The following HDAC4 variants were observed in gnomAD, a reference collection of about 807,000 sequenced individuals.
HDAC4 encodes histone deacetylase A.
In HDAC4, 16 loss-of-function variants were observed where a neutral mutation model predicts 135.1. The ratio of observed to expected loss-of-function variants is 0.12; its 90% CI spans 0.08 to 0.18. The LOEUF (loss-of-function observed/expected upper bound fraction) is 0.18, where lower values mean the gene tolerates loss of function less well. HDAC4 is among the 10% of genes least tolerant of loss of function. The pLI is 1.00. For synonymous variants in HDAC4, 685 were observed against 653.4 expected (o/e 1.05, Z -0.74); for missense variants, 1,143 against 1,511.8 (o/e 0.76, Z 4.05).
At chr2:239,287,800 A>C (rs950921435) in intron 2 of HDAC4, among the ~76,000 whole-genome samples, 4 of 152,250 alleles carry the variant, frequency 2.6e-5, no homozygotes, top group African/African-American at 9.6e-5. Flanking sequence ...ACACAGAGAC[A>C]AATCCAGCAA....
rs942716766 is a variant in HDAC4 at position 239,240,481 on chromosome 2, A to G, written c.23-3817T>C. On this transcript the variant is annotated intron_variant, in intron 2 of 26. Coordinates refer to ENST00000543185, the MANE Select transcript of HDAC4 (RefSeq NM_001378414.1). This position sits in a 1 kb window ranked among gnomAD's most constrained non-coding sequence, Gnocchi z 4.5. ...CTCAGGCTGAGGAGAAAGCGGTGCT[A>G]AGAACCCAGCGTTTACAAGCAGGAA... 6.6e-6 allele frequency among the ~76,000 whole-genome samples: 1 copy of G among 152,224 alleles called. No homozygotes were observed. Among genetic ancestry groups the G allele is most frequent in the Non-Finnish European group, 1.5e-5 (1 of 68,038 alleles).
Position 239,115,378 on chromosome 2 carries a change from G to T in HDAC4, c.1534-68C>A. On this transcript the variant is annotated intron_variant, in intron 12 of 26. Transcript: ENST00000543185. The surrounding 1 kb of genome is among the most constrained non-coding windows in gnomAD (Gnocchi z 6.3). Reference sequence around the variant, plus strand: ...CTCTGAGCTCATCTGACAGGAGAAGGGATGCTGCAAACCCCACCCTCTGGG... The same window carrying T: ...CTCTGAGCTCATCTGACAGGAGAAGTGATGCTGCAAACCCCACCCTCTGGG... 1.9e-6 allele frequency: 3 copies of T among 1,594,166 alleles called. No homozygotes were observed. In the South Asian group the frequency reaches 3.3e-5, roughly 18 times the overall value.
intron 1 of HDAC4, among the ~76,000 whole-genome samples, chr2:239,373,003 GCA>G (rs1369798203): frequency 5.9e-5 from 9 of 152,216 alleles, no homozygotes; most frequent in East Asian, 5.8e-4. Flanking sequence ...CCACTCATGG[GCA>G]CAGACTTTCC....
chr2:239,087,721 G>C (rs1312009788), intron 18 of HDAC4, 107 bp from the exon 19 acceptor site: 1 of 1,054,338 alleles, frequency 9.5e-7, no homozygotes, highest in Non-Finnish European at 1.4e-6. Context: ...CTACACAGGA[G>C]GACAGTTTCT....
At chr2:239,315,036 G>A (rs544092129) in intron 2 of HDAC4, among the ~76,000 whole-genome samples, 1 of 152,220 alleles carries the variant, frequency 6.6e-6, no homozygotes, top group East Asian at 1.9e-4. Context: ...AGGCTTCGTC[G>A]GCATGGTAAA....
Position 239,122,837 on chromosome 2 carries a change from C to T in HDAC4, c.1533+3619G>A, listed in dbSNP as rs537285196. On this transcript the variant is annotated intron_variant, in intron 12 of 26. Transcript: ENST00000543185. ...CTGAAGGAGGGGCAGACCAAGCCGG[C>T]CCCAGCTGCAACCCCAATGTAGGCT... 2.0e-5 allele frequency among the ~76,000 whole-genome samples: 3 copies of T among 152,320 alleles called. No individual in the cohort carries two copies. The South Asian group carries it at 6.2e-4, about 32-fold the overall frequency.
At position 239,248,309 on chromosome 2, in the gene HDAC4, T is replaced by C. The variant is rs565952569; in HGVS notation, c.23-11645A>G. Among the ~76,000 whole-genome samples, 39 of 152,048 alleles carry C rather than the reference T, an allele frequency of 2.6e-4. No individual in the cohort carries two copies. The South Asian group carries it at 7.9e-3, about 31-fold the overall frequency. ...AATTCTCCTGCCTCAGCCTCCCGAA[T>C]AGCTGGGACTACAGGCGCCGGCCAC... On this transcript the variant is annotated intron_variant, in intron 2 of 26. Transcript: ENST00000543185.
intron 2 of HDAC4, among the ~76,000 whole-genome samples, chr2:239,239,720 A>G (rs1575494917): frequency 6.6e-6 from 1 of 151,806 alleles, no homozygotes; most frequent in South Asian, 2.1e-4. Context: ...GTACATTCAA[A>G]CCCCCAACAC....
rs139256139 is a variant in HDAC4 at position 239,281,094 on chromosome 2, C to A, written c.23-44430G>T. On this transcript the variant is annotated intron_variant, in intron 2 of 26. Coordinates refer to ENST00000543185, the MANE Select transcript of HDAC4 (RefSeq NM_001378414.1). Reference sequence around the variant, plus strand: ...GTACACACGACTCTCAATGTACACACCACTCTACACACAATGTACACACCA... The same window carrying A: ...GTACACACGACTCTCAATGTACACAACACTCTACACACAATGTACACACCA... Among the ~76,000 whole-genome samples the A allele has an allele frequency of 2.2e-3, 292 of 134,452 alleles. 28 individuals carry two copies. Among genetic ancestry groups the A allele is most frequent in the African/African-American group, 7.8e-3 (276 of 35,486 alleles). 88.2% of individuals were successfully genotyped at this position (134,452 alleles called of 152,430 possible). A position where few individuals can be genotyped will look rare whatever the true frequency, so the allele number is the denominator to read the frequency against.
chr2:239,360,460 G>C (rs1693787770), intron 1 of HDAC4, among the ~76,000 whole-genome samples: 1 of 152,218 alleles, frequency 6.6e-6, no homozygotes, highest in Admixed American at 6.5e-5. Context: ...CCTTCCTGCA[G>C]CAGGACCCCA....
intron 7 of HDAC4, among the ~76,000 whole-genome samples, chr2:239,149,019 GGGACAGGCAGTCA>G (rs1212247296): frequency 3.3e-5 from 5 of 152,250 alleles, no homozygotes; most frequent in Non-Finnish European, 7.3e-5. Flanking sequence ...TAACGCAGGC[GGGACAGGCAGTCA>G]GGGACGGCCG....
chr2:239,159,465 C>T (rs935332401), intron 6 of HDAC4, among the ~76,000 whole-genome samples: 24 of 148,662 alleles, frequency 1.6e-4, no homozygotes, highest in African/African-American at 5.7e-4. Context: ...TACCTCACAC[C>T]CACTTACACG....
At chr2:239,087,473 G>T in intron 19 of HDAC4, 86 bp downstream of exon 19, 3 of 1,320,776 alleles carry the variant, frequency 2.3e-6, no homozygotes, top group Non-Finnish European at 3.2e-6. Context: ...CCAGCTCCCC[G>T]CAGTCACTCA....
At chr2:239,248,568 A>G (rs2048603328) in intron 2 of HDAC4, among the ~76,000 whole-genome samples, 1 of 152,224 alleles carries the variant, frequency 6.6e-6, no homozygotes, top group African/African-American at 2.4e-5. Flanking sequence ...TCTTGCTAGA[A>G]CTAAACATAA....
intron 12 of HDAC4, among the ~76,000 whole-genome samples, chr2:239,124,478 G>A (rs2039963819): frequency 6.6e-6 from 1 of 152,254 alleles, no homozygotes; most frequent in African/African-American, 2.4e-5. Context: ...CCACTTTATG[G>A]CTGAATGACA....
chr2:239,060,237 G>A lies in HDAC4; in HGVS notation c.3004-5404C>T, dbSNP rs113636642. The stretch of plus-strand genomic sequence containing the variant: ...GCTCATGGTGCCCTGGGCTTCTGCC[G>A]TCCCCTGCTGCCTGTCTGTAAGTAG... On this transcript the variant is annotated intron_variant, in intron 24 of 26. Coordinates refer to ENST00000543185, the MANE Select transcript of HDAC4 (RefSeq NM_001378414.1). Among the ~76,000 whole-genome samples the A allele has an allele frequency of 3.6e-3, 549 of 152,280 alleles. 2 individuals carry two copies. The highest frequency in any genetic ancestry group is 0.013 in the African/African-American group (521 of 41,550).
At chr2:239,074,893 A>G (rs1413022242) in intron 22 of HDAC4, among the ~76,000 whole-genome samples, 1 of 152,080 alleles carries the variant, frequency 6.6e-6, no homozygotes, top group Non-Finnish European at 1.5e-5. Context: ...GGGAAACTGG[A>G]CTCACATTTT....
intron 4 of HDAC4, among the ~76,000 whole-genome samples, chr2:239,182,796 A>G (rs924394708): frequency 6.6e-6 from 1 of 152,130 alleles, no homozygotes; most frequent in Non-Finnish European, 1.5e-5. Flanking sequence ...ATGCTCGGAA[A>G]ATGCTGGAAC....
chr2:239,288,443 A>T (rs2051260854), intron 2 of HDAC4, among the ~76,000 whole-genome samples: 1 of 152,238 alleles, frequency 6.6e-6, no homozygotes, highest in Non-Finnish European at 1.5e-5. Context: ...CTGAACTGGA[A>T]TTCCCAGCTA....
Sources: allele counts gnomAD v4.1 joint callset (sites outside exome capture counted in the v4.1 genomes callset), GRCh38; gene constraint gnomAD v4.1.1; non-coding constraint Gnocchi (gnomAD v3.1); transcripts MANE v1.5; gene names NCBI Gene and HGNC (gene_info 2026-07-23, HGNC 2026-07-21).